PHKB: variants seen among roughly 807,000 people sequenced by gnomAD.
PHKB encodes the protein phosphorylase kinase regulatory subunit beta, also known as phosphorylase b kinase regulatory subunit beta.
In PHKB, 122 loss-of-function variants were observed where a neutral mutation model predicts 152.1. The observed-to-expected ratio is 0.80, with a 90% CI of 0.69 to 0.93. The LOEUF (loss-of-function observed/expected upper bound fraction) is 0.93, where lower values mean the gene tolerates loss of function less well. PHKB is among the 40% of genes least tolerant of loss of function. PHKB has a pLI of 0.00. For synonymous variants in PHKB, 436 were observed against 464.9 expected, an observed-to-expected ratio of 0.94 and a Z score of 0.80; for missense variants, 1,304 against 1,328.4, an observed-to-expected ratio of 0.98 and a Z score of 0.29.
intron 13 of PHKB, 95 bp downstream of exon 13, chr16:47,596,626 G>A (rs1215776503): frequency 8.6e-7 from 1 of 1,165,088 alleles, no homozygotes; most frequent in African/African-American, 1.5e-5. Context: ...GGATTTGGGT[G>A]GTGTTTCATG....
chr16:47,676,319 A>G (rs1264758686), intron 26 of PHKB: 2 of 152,206 alleles, frequency 1.3e-5, no homozygotes, highest in Non-Finnish European at 1.5e-5. Context: ...TTATGGTACA[A>G]TAAGCACATC....
At chr16:47,679,028 A>C (rs1001717082) in intron 26 of PHKB, among the ~76,000 whole-genome samples, 2 of 152,152 alleles carry the variant, frequency 1.3e-5, no homozygotes, top group African/African-American at 4.8e-5. Flanking sequence ...TAAATAGGGA[A>C]TCCTTTCCCC....
At position 47,700,582 on chromosome 16, in the gene PHKB, T is replaced by C. The variant is rs1464879061; in HGVS notation, c.*1216T>C. The C allele has an allele frequency of 6.6e-6, 1 of 152,058 alleles. No homozygotes were observed. The highest frequency in any genetic ancestry group is 1.9e-4 in the East Asian group (1 of 5,190). The allele number at this position is 152,058 out of a possible 1,614,324, so 9.4% of individuals were successfully genotyped here. On this transcript the variant is annotated 3_prime_UTR_variant, in exon 31 of 31. Transcript: ENST00000323584. ...AGAGAATCTGTGGTACCTACCATTA[T>C]ACACATTTAGTTGCCCAGTTTACTT...
chr16:47,515,872 TA>T, intron 6 of PHKB, among the ~76,000 whole-genome samples: 1 of 152,192 alleles, frequency 6.6e-6, no homozygotes, highest in East Asian at 1.9e-4. Flanking sequence ...ATGTAACTTT[TA>T]AAAAATTTTA....
intron 7 of PHKB, among the ~76,000 whole-genome samples, chr16:47,572,480 A>G (rs1159529733): frequency 6.6e-6 from 1 of 152,136 alleles, no homozygotes; most frequent in Non-Finnish European, 1.5e-5. Flanking sequence ...ACTAGCATCT[A>G]TAGTCAACCA....
intron 6 of PHKB, among the ~76,000 whole-genome samples, chr16:47,547,130 C>T (rs975013873): frequency 5.3e-5 from 8 of 152,228 alleles, no homozygotes; most frequent in African/African-American, 1.9e-4. Context: ...CGACTATTCC[C>T]AATGAGGTGA....
At chr16:47,597,408 T>A (rs1972139884) in intron 13 of PHKB, among the ~76,000 whole-genome samples, 1 of 152,180 alleles carries the variant, frequency 6.6e-6, no homozygotes, top group Admixed American at 6.5e-5. Context: ...CAATTTGAGC[T>A]TTACATAAAA....
chr16:47,632,714 A>G (rs1472884266), intron 14 of PHKB, among the ~76,000 whole-genome samples: 1 of 152,334 alleles, frequency 6.6e-6, no homozygotes, highest in East Asian at 1.9e-4. Flanking sequence ...TAAATTAGAA[A>G]AAAAGAGCAA....
intron 13 of PHKB, among the ~76,000 whole-genome samples, chr16:47,607,099 ATT>A (rs1972339294): frequency 1.3e-5 from 2 of 151,702 alleles, no homozygotes; most frequent in Admixed American, 6.6e-5. Context: ...CCTTCCTATT[ATT>A]TTTCTGATTT....
chr16:47,690,153 T>A (rs1239690489), intron 27 of PHKB, among the ~76,000 whole-genome samples: 5 of 152,226 alleles, frequency 3.3e-5, no homozygotes, highest in Non-Finnish European at 1.5e-5. Flanking sequence ...GGAAATTTAA[T>A]GTGTGACAAA....
chr16:47,579,178 A>G (rs1005058446), intron 7 of PHKB, among the ~76,000 whole-genome samples: 2 of 151,618 alleles, frequency 1.3e-5, no homozygotes, highest in African/African-American at 4.9e-5. Context: ...AATTATGTCT[A>G]CTCCATCTTC....
At chr16:47,461,800 C>T (rs991705480) in intron 1 of PHKB, among the ~76,000 whole-genome samples, 2 of 152,182 alleles carry the variant, frequency 1.3e-5, no homozygotes, top group African/African-American at 4.8e-5. Flanking sequence ...CTGCAAAAGT[C>T]AGATAGCTTA....
chr16:47,478,123 A>AAAAATCT (rs1269930838), intron 1 of PHKB, among the ~76,000 whole-genome samples: 1 of 152,214 alleles, frequency 6.6e-6, no homozygotes, highest in African/African-American at 2.4e-5. Flanking sequence ...CACTAGAGAA[A>AAAAATCT]AAAATCTATG....
chr16:47,644,101 A>C (rs1973073185), intron 16 of PHKB, among the ~76,000 whole-genome samples: 1 of 111,690 alleles, frequency 9.0e-6, no homozygotes, highest in Admixed American at 9.2e-5. Context: ...ACTGTAATAA[A>C]GAGTAGTATT....
At chr16:47,545,478 G>C (rs1161791695) in intron 6 of PHKB, among the ~76,000 whole-genome samples, 3 of 152,200 alleles carry the variant, frequency 2.0e-5, no homozygotes, top group South Asian at 2.1e-4. Flanking sequence ...AGTCTGATGG[G>C]CTTCCCTTTG....
intron 1 of PHKB, among the ~76,000 whole-genome samples, chr16:47,485,533 T>C (rs1177337990): frequency 6.6e-6 from 1 of 152,190 alleles, no homozygotes; most frequent in Non-Finnish European, 1.5e-5. Flanking sequence ...AATAAATTTG[T>C]AAACTGGTCA....
intron 18 of PHKB, 85 bp downstream of exon 18, chr16:47,649,289 G>T (rs564098787): frequency 6.1e-6 from 5 of 814,666 alleles, no homozygotes; most frequent in Middle Eastern, 2.5e-4. Context: ...GTACTCCCAG[G>T]TATCTGTGAC....
intron 26 of PHKB, among the ~76,000 whole-genome samples, chr16:47,681,793 G>T (rs897889229): frequency 2.0e-5 from 3 of 152,132 alleles, no homozygotes; most frequent in African/African-American, 7.2e-5. Flanking sequence ...ATTGTTATTT[G>T]TGTATTTGGT....
intron 27 of PHKB, among the ~76,000 whole-genome samples, chr16:47,691,441 A>G (rs1053916404): frequency 1.1e-4 from 16 of 152,220 alleles, no homozygotes; most frequent in Non-Finnish European, 1.9e-4. Context: ...ACGATGGCTC[A>G]CACCTGTGAT....
Sources: gnomAD v4.1 joint callset for allele counts (sites outside exome capture counted in the v4.1 genomes callset) on GRCh38, gnomAD v4.1.1 for gene constraint, MANE v1.5 for transcripts, NCBI Gene and HGNC (gene_info 2026-07-23, HGNC 2026-07-21) for gene names.